The following INPP5A variants were observed in gnomAD, a reference collection of about 807,000 sequenced individuals.
The protein encoded by INPP5A is 43 kDa inositol polyphosphate 5-phophatase.
Under a neutral mutation model 65.2 loss-of-function variants are expected in INPP5A, and 14 were observed. That is an observed-to-expected ratio of 0.21 (90% confidence interval 0.14 to 0.34). The LOEUF (loss-of-function observed/expected upper bound fraction) is 0.34. INPP5A is among the 10% of genes least tolerant of loss of function. INPP5A has a pLI of 1.00. For missense variants in INPP5A, 431 were observed against 545.6 expected (o/e 0.79, Z 2.09); for synonymous variants, 207 against 208.3 (o/e 0.99, Z 0.05).
chr10:132,677,039 C>G (rs1331180232), intron 4 of INPP5A, among the ~76,000 whole-genome samples: 1 of 79,928 alleles, frequency 1.3e-5, no homozygotes, highest in Non-Finnish European at 2.8e-5. Flanking sequence ...CATGGTGACC[C>G]CCACCATCAC....
chr10:132,713,531 C>T (rs12413546), intron 8 of INPP5A, among the ~76,000 whole-genome samples: 1 of 152,156 alleles, frequency 6.6e-6, no homozygotes, highest in Admixed American at 6.5e-5. Context: ...GGCCTTGGCT[C>T]TCCTCTGCAT....
intron 4 of INPP5A, among the ~76,000 whole-genome samples, chr10:132,658,555 C>T (rs1428164156): frequency 6.6e-6 from 1 of 152,180 alleles, no homozygotes; most frequent in Non-Finnish European, 1.5e-5. Flanking sequence ...TCTGAGCAGA[C>T]GGGTGTTTCC....
intron 9 of INPP5A, among the ~76,000 whole-genome samples, chr10:132,739,719 G>A (rs1451984546): frequency 1.3e-5 from 2 of 152,210 alleles, no homozygotes; most frequent in African/African-American, 2.4e-5. Context: ...GGAGCCTCCG[G>A]GAGTTAATTT....
chr10:132,557,463 A>G (rs1015251990), intron 1 of INPP5A, among the ~76,000 whole-genome samples: 8 of 152,272 alleles, frequency 5.3e-5, no homozygotes, highest in Non-Finnish European at 2.9e-5. Flanking sequence ...CTTAATGCCA[A>G]CAAGAGACCT....
intron 8 of INPP5A, among the ~76,000 whole-genome samples, chr10:132,721,280 G>A (rs1243014214): frequency 1.5e-4 from 22 of 150,980 alleles, no homozygotes; most frequent in African/African-American, 5.1e-4. Flanking sequence ...CTGTCTTGCG[G>A]GTTCTGTGGT....
In INPP5A at chr10:132,707,585, A is replaced by G. The variant is rs1845556598; in HGVS notation, c.475-728A>G. Reference sequence around the variant, plus strand: ...ACTGCTGTACTGGGTGGCCCAGCAGAGGAACCTACCATGGTGGGAGGTGGG... The same window carrying G: ...ACTGCTGTACTGGGTGGCCCAGCAGGGGAACCTACCATGGTGGGAGGTGGG... On this transcript the variant is annotated intron_variant, in intron 6 of 15. Coordinates refer to ENST00000368594, the MANE Select transcript of INPP5A (RefSeq NM_005539.5). The surrounding 1 kb of genome is among the most constrained non-coding windows in gnomAD (Gnocchi z 5.5). 6.6e-6 allele frequency among the ~76,000 whole-genome samples: 1 copy of G among 152,212 alleles called. No homozygotes were observed. Among genetic ancestry groups the G allele is most frequent in the Admixed American group, 6.5e-5 (1 of 15,278 alleles).
intron 7 of INPP5A, among the ~76,000 whole-genome samples, chr10:132,709,649 G>A (rs774679777): frequency 1.5e-4 from 23 of 152,168 alleles, no homozygotes; most frequent in Admixed American, 1.1e-3. Flanking sequence ...ACTCATTCCT[G>A]GCGCCTCCTG....
chr10:132,729,062 C>T (rs973288563), intron 9 of INPP5A, among the ~76,000 whole-genome samples: 15 of 152,048 alleles, frequency 9.9e-5, no homozygotes, highest in African/African-American at 3.1e-4. Flanking sequence ...CTTGCGTGGC[C>T]GCTGTGGTCT....
chr10:132,771,636 C>T (rs1476207472), intron 12 of INPP5A, among the ~76,000 whole-genome samples: 3 of 151,538 alleles, frequency 2.0e-5, no homozygotes, highest in Non-Finnish European at 2.9e-5. Flanking sequence ...AGCACTGACA[C>T]GGAGGCCCCG....
chr10:132,646,517 G>A (rs1236028191), intron 3 of INPP5A, among the ~76,000 whole-genome samples: 2 of 152,214 alleles, frequency 1.3e-5, no homozygotes, highest in African/African-American at 4.8e-5. Context: ...AGCAGGCAGG[G>A]GCAGGCAGGC....
In INPP5A at chr10:132,651,969, G is replaced by A. The variant is rs930240022; in HGVS notation, c.306+1464G>A. On this transcript the variant is annotated intron_variant, in intron 4 of 15. Coordinates refer to ENST00000368594, the MANE Select transcript of INPP5A (RefSeq NM_005539.5). This position sits in a 1 kb window ranked among gnomAD's most constrained non-coding sequence, Gnocchi z 5.0. ...CCACGGGGCCCCCACTCACACCAGA[G>A]CCAAGGCCCTCACCCCTGTGCTCAG... is the stretch of plus-strand genomic sequence containing the variant. 4.6e-5 allele frequency among the ~76,000 whole-genome samples: 7 copies of A among 152,050 alleles called. No individual in the cohort carries two copies. The highest frequency in any genetic ancestry group is 8.8e-5 in the Non-Finnish European group (6 of 68,026).
chr10:132,567,678 G>T (rs140209285), intron 1 of INPP5A, among the ~76,000 whole-genome samples: 170 of 152,252 alleles, frequency 1.1e-3, no homozygotes, highest in African/African-American at 3.8e-3. Flanking sequence ...TGCGGGGCTC[G>T]GTCTGATTTC....
intron 2 of INPP5A, among the ~76,000 whole-genome samples, chr10:132,619,984 G>A (rs549069235): frequency 1.0e-3 from 156 of 152,218 alleles, no homozygotes; most frequent in Non-Finnish European, 1.7e-3. Flanking sequence ...TGCACCTACA[G>A]GCTTAACACC....
At position 132,659,573 on chromosome 10, in the gene INPP5A, G is replaced by A. The variant is rs145986112; in HGVS notation, c.306+9068G>A. Among the ~76,000 whole-genome samples, 149 of 152,302 alleles carry A rather than the reference G, an allele frequency of 9.8e-4. No individual in the cohort carries two copies. The highest frequency in any genetic ancestry group is 3.4e-3 in the African/African-American group (141 of 41,566). ...CCATGGCAGTCCATTCATTCAACAT[G>A]CCCTGGTCCAGCTGCTGCACAGCCA... On this transcript the variant is annotated intron_variant, in intron 4 of 15. Transcript: ENST00000368594. The surrounding 1 kb of genome is among the most constrained non-coding windows in gnomAD (Gnocchi z 5.5).
intron 4 of INPP5A, among the ~76,000 whole-genome samples, chr10:132,671,421 A>ACTCCGCCCTCCCTGCT (rs2072890900): frequency 7.0e-6 from 1 of 143,670 alleles, no homozygotes; most frequent in Non-Finnish European, 1.5e-5. Flanking sequence ...CCTGCTTCGG[A>ACTCCGCCCTCCCTGCT]CTCCGCCCTC....
intron 4 of INPP5A, among the ~76,000 whole-genome samples, chr10:132,652,268 C>G (rs1399488865): frequency 6.6e-6 from 1 of 152,214 alleles, no homozygotes; most frequent in African/African-American, 2.4e-5. Flanking sequence ...AACTTGAAGA[C>G]AGCCACAAAA....
At chr10:132,755,480 A>G (rs1440531397) in intron 11 of INPP5A, among the ~76,000 whole-genome samples, 1 of 124,468 alleles carries the variant, frequency 8.0e-6, no homozygotes, top group South Asian at 2.7e-4. Context: ...GAGCAGGCAT[A>G]CGCATATGAG....
At chr10:132,756,358 A>G (rs1428317698) in intron 11 of INPP5A, among the ~76,000 whole-genome samples, 2 of 151,752 alleles carry the variant, frequency 1.3e-5, no homozygotes, top group Non-Finnish European at 2.9e-5. Flanking sequence ...ATGTGTGTGT[A>G]CACGTGTGCA....
chr10:132,584,864 A>G (rs185315496), intron 1 of INPP5A, among the ~76,000 whole-genome samples: 1 of 152,136 alleles, frequency 6.6e-6, no homozygotes, highest in African/African-American at 2.4e-5. Context: ...TCCCAAGTAG[A>G]TGGGACTATA....
Sources: gnomAD v4.1 joint callset for allele counts (sites outside exome capture counted in the v4.1 genomes callset) on GRCh38, gnomAD v4.1.1 for gene constraint, Gnocchi (gnomAD v3.1) non-coding constraint, MANE v1.5 for transcripts, NCBI Gene and HGNC (gene_info 2026-07-23, HGNC 2026-07-21) for gene names.